Variants in SLC6A9 observed in about 807,000 individuals in gnomAD.
SLC6A9 encodes solute carrier family 6 member 9, also known as sodium- and chloride-dependent glycine transporter 1.
SLC6A9 carries 31 observed loss-of-function variants against 70.9 expected under a neutral mutation model. That is an observed-to-expected ratio of 0.44 (90% CI 0.33 to 0.59). SLC6A9 has a LOEUF of 0.59. Ranked by LOEUF, SLC6A9 falls within the 20% of genes least tolerant of loss-of-function variation. The pLI, the probability that SLC6A9 is intolerant of heterozygous loss-of-function variation, is 0.04. For synonymous variants in SLC6A9, 310 were observed against 341.3 expected (o/e 0.91, Z 1.01); for missense variants, 631 against 845.2 (o/e 0.75, Z 3.14).
chr1:44,024,110 G>A, intron 2 of SLC6A9, 138 bp downstream of exon 2: 2 of 859,014 alleles, frequency 2.3e-6, no homozygotes, highest in Non-Finnish European at 2.0e-6. Context: ...GGGGCTACCT[G>A]CCCAGGCCGG....
At position 44,002,514 on chromosome 1, in the gene SLC6A9, T is replaced by C; in HGVS notation, c.856A>G (p.Lys286Glu). ...TTCCGGTTTCCCTCACTTCCCACCT[T>C]GGCCTCCAGGATCTTGTCCCACTGC... ...TPQWDKILEA[K>E]VWGDAASQIF... is the part of the protein sequence containing the mutation. The change falls in exon 7 of 14, where the codon AAG becomes GAG. Residue 286 changes from lysine (K) to glutamate (E), a missense_variant and splice_region_variant. By Grantham distance (56) the Lys-to-Glu change is moderately conservative. Transcript: ENST00000372310. This position sits in a 1 kb window ranked among gnomAD's most constrained non-coding sequence, Gnocchi z 5.5. 6.2e-7 allele frequency: 1 copy of C among 1,614,140 alleles called. No individual in the cohort carries two copies. Among genetic ancestry groups the C allele is most frequent in the Non-Finnish European group, 8.5e-7 (1 of 1,180,006 alleles).
intron 5 of SLC6A9, among the ~76,000 whole-genome samples, chr1:44,007,595 C>G (rs1277618038): frequency 6.6e-6 from 1 of 152,242 alleles, no homozygotes; most frequent in Non-Finnish European, 1.5e-5. Context: ...ATCATCAAGT[C>G]TAAGCCTAAT....
intron 1 of SLC6A9, among the ~76,000 whole-genome samples, chr1:44,026,401 G>A (rs894737470): frequency 2.6e-5 from 4 of 152,338 alleles, no homozygotes; most frequent in South Asian, 2.1e-4. Flanking sequence ...GCTCACGGCT[G>A]TAATCCCAGC....
chr1:44,015,906 C>T, intron 2 of SLC6A9: 1 of 984,658 alleles, frequency 1.0e-6, no homozygotes, highest in Non-Finnish European at 1.2e-6. Flanking sequence ...TTCATGCCTC[C>T]TGCCTCAAGG....
intron 2 of SLC6A9, chr1:44,014,798 A>G (rs1167115392): frequency 6.6e-6 from 1 of 152,082 alleles, no homozygotes; most frequent in Non-Finnish European, 1.5e-5. Flanking sequence ...CCTCCAGTAG[A>G]GCCCTGGGCA....
Position 44,018,249 on chromosome 1 carries a change from AC to A in SLC6A9, c.30+5998del, listed in dbSNP as rs1271783209. On this transcript the variant is annotated intron_variant, in intron 2 of 13. Coordinates refer to ENST00000372310, the MANE Select transcript of SLC6A9 (RefSeq NM_001024845.3). The surrounding 1 kb of genome is among the most constrained non-coding windows in gnomAD (Gnocchi z 4.2). ...TCCTGTGAGTTTGGTGAGTGTGGCA[AC>A]CCCGTAGGGAACATAAGGAGTTTTG... 1.1e-4 allele frequency among the ~76,000 whole-genome samples: 16 copies of A among 152,156 alleles called. No individual in the cohort carries two copies.
intron 2 of SLC6A9, chr1:44,016,944 C>T: frequency 8.3e-6 from 10 of 1,208,478 alleles, no homozygotes; most frequent in Non-Finnish European, 1.1e-5. Context: ...TGTGCCTGCC[C>T]CTCCCTGGCA....
chr1:44,002,431 C>T lies in SLC6A9; in HGVS notation c.859-15G>A, dbSNP rs369241038. ...TCACCCCACACCTGCAGGGAAGGAC[C>T]GGTGGGTGAGGAGCTGTGGGCAGAG... On this transcript the variant is annotated splice_polypyrimidine_tract_variant and intron_variant, in intron 7 of 13. Transcript: ENST00000372310. This position sits in a 1 kb window ranked among gnomAD's most constrained non-coding sequence, Gnocchi z 5.5. 72 of 1,613,402 alleles carry T rather than the reference C, an allele frequency of 4.5e-5. No homozygotes were observed. The highest frequency in any genetic ancestry group is 8.9e-5 in the East Asian group (4 of 44,882).
intron 2 of SLC6A9, chr1:44,011,475 G>C (rs1041173319): frequency 1.8e-6 from 2 of 1,119,664 alleles, no homozygotes; most frequent in African/African-American, 1.5e-5. Flanking sequence ...GACAGACATG[G>C]GGAGGGCATT....
chr1:44,002,772 T>G lies in SLC6A9; in HGVS notation c.723+81A>C. 2 of 1,595,968 alleles carry G rather than the reference T, an allele frequency of 1.3e-6. No individual in the cohort carries two copies. Among genetic ancestry groups the G allele is most frequent in the Non-Finnish European group, 1.7e-6 (2 of 1,165,954 alleles). ...GCTCCGGAGTCCCTTCAGCATCCCCTCCCTGCAATACACACATAACCCAGG... is the reference window on the plus strand; with the variant it reads ...GCTCCGGAGTCCCTTCAGCATCCCCGCCCTGCAATACACACATAACCCAGG... On this transcript the variant is annotated intron_variant, in intron 6 of 13. Coordinates refer to ENST00000372310, the MANE Select transcript of SLC6A9 (RefSeq NM_001024845.3). This position sits in a 1 kb window ranked among gnomAD's most constrained non-coding sequence, Gnocchi z 5.5.
Position 43,997,803 on chromosome 1 carries a change from C to T in SLC6A9, c.1707+52G>A. On this transcript the variant is annotated intron_variant, in intron 13 of 13. Transcript: ENST00000372310. The surrounding 1 kb of genome is among the most constrained non-coding windows in gnomAD (Gnocchi z 4.4). Reference sequence around the variant, plus strand: ...TCAGGAGGGAGCCCTTAAGCCCCTTCCAGCTGGCCCCTCCCATTTTGCCTG... The same window carrying T: ...TCAGGAGGGAGCCCTTAAGCCCCTTTCAGCTGGCCCCTCCCATTTTGCCTG... 1.9e-6 allele frequency: 3 copies of T among 1,587,662 alleles called. No homozygotes were observed. The highest frequency in any genetic ancestry group is 1.7e-6 in the Non-Finnish European group (2 of 1,164,234).
chr1:44,003,068 G>A (rs2086180724), intron 5 of SLC6A9, 83 bp from the exon 6 acceptor site: 14 of 1,519,324 alleles, frequency 9.2e-6, no homozygotes, highest in Non-Finnish European at 1.3e-5. Flanking sequence ...CACCCGGGCT[G>A]TACCCTCCTT....
intron 2 of SLC6A9, among the ~76,000 whole-genome samples, chr1:44,020,780 C>T (rs1433905936): frequency 6.6e-6 from 1 of 152,226 alleles, no homozygotes; most frequent in Non-Finnish European, 1.5e-5. Flanking sequence ...GGTGCCCAAA[C>T]CCTCAGGGAA....
intron 1 of SLC6A9, among the ~76,000 whole-genome samples, chr1:44,028,438 T>C (rs1342028160): frequency 6.6e-6 from 1 of 152,108 alleles, no homozygotes; most frequent in East Asian, 1.9e-4. Flanking sequence ...AGGCTGAAGT[T>C]GAAGAGAGGA....
intron 2 of SLC6A9, chr1:44,017,119 G>A: frequency 6.2e-7 from 1 of 1,606,464 alleles, no homozygotes; most frequent in Non-Finnish European, 8.5e-7. Context: ...CAGCCCGCGT[G>A]TCTCCGCCGC....
rs1026798863 is a variant in SLC6A9, at chr1:44,018,141, A to G, written c.30+6107T>C. On this transcript the variant is annotated intron_variant, in intron 2 of 13. Coordinates refer to ENST00000372310, the MANE Select transcript of SLC6A9 (RefSeq NM_001024845.3). This position sits in a 1 kb window ranked among gnomAD's most constrained non-coding sequence, Gnocchi z 4.2. ...CAGGCCCTTTGGAAACTGGTCAGTC[A>G]GCAGAAGGCCTGGCTTACCACAGGA... Among the ~76,000 whole-genome samples the G allele has an allele frequency of 1.3e-5, 2 of 152,230 alleles. No individual in the cohort carries two copies. Among genetic ancestry groups the G allele is most frequent in the African/African-American group, 4.8e-5 (2 of 41,458 alleles).
At chr1:44,001,869 A>G (rs2086121786) in intron 8 of SLC6A9, among the ~76,000 whole-genome samples, 1 of 152,186 alleles carries the variant, frequency 6.6e-6, no homozygotes, top group Non-Finnish European at 1.5e-5. Context: ...CTGGGACTAC[A>G]GGTGTGTGCC....
chr1:44,005,174 C>G (rs1047699216), intron 5 of SLC6A9, among the ~76,000 whole-genome samples: 7 of 152,182 alleles, frequency 4.6e-5, no homozygotes, highest in Non-Finnish European at 5.9e-5. Context: ...GACTCCAGAG[C>G]TGCCATGAAG....
intron 12 of SLC6A9, among the ~76,000 whole-genome samples, chr1:43,999,534 G>A (rs1347529156): frequency 6.6e-6 from 1 of 152,038 alleles, no homozygotes; most frequent in Non-Finnish European, 1.5e-5. Flanking sequence ...CTCCCCTTGG[G>A]CCATAGCCCC....
Sources: gnomAD v4.1 joint callset for allele counts (sites outside exome capture counted in the v4.1 genomes callset) on GRCh38, gnomAD v4.1.1 for gene constraint, Gnocchi (gnomAD v3.1) non-coding constraint, MANE v1.5 for transcripts, NCBI Gene and HGNC (gene_info 2026-07-23, HGNC 2026-07-21) for gene names.